Variants in CFAP54 observed in about 807,000 individuals in gnomAD.
The protein encoded by CFAP54 is cilia and flagella associated protein 54.
CFAP54 carries 290 observed loss-of-function variants against 370.4 expected under a neutral mutation model. The observed-to-expected ratio is 0.78, with a 90% CI of 0.71 to 0.86. The LOEUF (loss-of-function observed/expected upper bound fraction) is 0.86, where lower values mean the gene tolerates loss of function less well. Ranked by LOEUF, CFAP54 falls within the 40% of genes least tolerant of loss-of-function variation. The pLI is 0.00. For missense variants in CFAP54, 3,399 were observed against 3,528.7 expected (o/e 0.96, Z 0.93); for synonymous variants, 1,206 against 1,236.5 (o/e 0.98, Z 0.52).
chr12:96,744,082 A>G lies in CFAP54; in HGVS notation c.7620A>G (p.Leu2540=), dbSNP rs142940582. ...RSSNTKYANP[L]QPLKNIYLPH... is the part of the protein sequence containing the mutation. Reference sequence around the variant, plus strand: ...CAAACACTAAATATGCAAATCCATTACAGCCTTTGAAAAATATCTATCTTC... The same window carrying G: ...CAAACACTAAATATGCAAATCCATTGCAGCCTTTGAAAAATATCTATCTTC... The change falls in exon 55 of 68, where the codon TTA becomes TTG. Residue 2540 remains leucine, a synonymous_variant. Transcript: ENST00000524981. The G allele has an allele frequency of 4.4e-5, 71 of 1,610,610 alleles. No individual in the cohort carries two copies. In the African/African-American group the frequency reaches 6.9e-4, roughly 16 times the overall value.
intron 40 of CFAP54, chr12:96,682,245 G>A: frequency 1.0e-6 from 1 of 985,674 alleles, no homozygotes; most frequent in Non-Finnish European, 1.2e-6. Flanking sequence ...ACCTTTCTCA[G>A]GAGCACTTCA....
rs1247051909 is a variant in CFAP54, at chr12:96,784,905, G to A, written c.8455+15G>A. ...CAAACTGCTAGGTAGGTTTTTTGATGTGTTAAGAGAGAACATATTTCTTTC... is the reference window on the plus strand; with the variant it reads ...CAAACTGCTAGGTAGGTTTTTTGATATGTTAAGAGAGAACATATTTCTTTC... On this transcript the variant is annotated intron_variant, in intron 61 of 67. Coordinates refer to ENST00000524981, the MANE Select transcript of CFAP54 (RefSeq NM_001306084.2). The A allele has an allele frequency of 6.9e-7, 1 of 1,452,190 alleles. No homozygotes were observed. Among genetic ancestry groups the A allele is most frequent in the African/African-American group, 1.4e-5 (1 of 69,824 alleles). 90.0% of individuals were successfully genotyped at this position (1,452,190 alleles called of 1,614,324 possible).
chr12:96,809,122 C>T (rs1450627476), intron 63 of CFAP54, among the ~76,000 whole-genome samples: 1 of 152,118 alleles, frequency 6.6e-6, no homozygotes, highest in African/African-American at 2.4e-5. Flanking sequence ...CTCAGTCTTC[C>T]CTCTGTCCCG....
At position 96,540,953 on chromosome 12, in the gene CFAP54, A is replaced by G. The variant is rs748555209; in HGVS notation, c.2043A>G (p.Leu681=). Residue 681 remains leucine (L), a synonymous_variant, in exon 14 of 68, where the codon TTA becomes TTG. Transcript: ENST00000524981. ...TLRLSEILES[L]GSPGRKFKQS... is the part of the protein sequence containing the mutation. ...GGTTAAGTGAAATATTGGAATCTTT[A>G]GGAAGCCCAGGAAGAAAATTTAAAC... is the stretch of plus-strand genomic sequence containing the variant. 7.9e-6 allele frequency: 12 copies of G among 1,510,742 alleles called. No homozygotes were observed. Among genetic ancestry groups the G allele is most frequent in the Non-Finnish European group, 1.1e-5 (12 of 1,138,396 alleles). 93.6% of individuals were successfully genotyped at this position (1,510,742 alleles called of 1,614,324 possible).
chr12:96,507,772 A>T (rs1263374453), intron 4 of CFAP54, among the ~76,000 whole-genome samples: 1 of 152,220 alleles, frequency 6.6e-6, no homozygotes, highest in African/African-American at 2.4e-5. Flanking sequence ...TCCCTCATCC[A>T]TGGCAACTGA....
intron 58 of CFAP54, among the ~76,000 whole-genome samples, 169 bp downstream of exon 58, chr12:96,757,757 G>T (rs1167744971): frequency 6.6e-6 from 1 of 151,944 alleles, no homozygotes; most frequent in African/African-American, 2.4e-5. Context: ...ATATCTCTTT[G>T]GACATTTTAT....
In CFAP54 at chr12:96,630,572, A is replaced by G; in HGVS notation, c.4237A>G (p.Ile1413Val). The change falls in exon 32 of 68, where the codon ATA (isoleucine) becomes GTA (valine). Residue 1413 changes from isoleucine (I) to valine (V), a missense_variant. Transcript: ENST00000524981. The stretch of plus-strand genomic sequence containing the variant: ...TAAGAGTGCAGAAATGCAACAAAGA[A>G]TAAGAAGTAAAAAAAAGGAAACTCT... ...IGRSAEMQQR[I>V]RSKKKETLRD... 2 of 1,480,844 alleles carry G rather than the reference A, an allele frequency of 1.4e-6. No homozygotes were observed. The highest frequency in any genetic ancestry group is 2.8e-5 in the African/African-American group (2 of 70,376). The allele number at this position is 1,480,844 out of a possible 1,614,324, so 91.7% of individuals were successfully genotyped here. A position where few individuals can be genotyped will look rare whatever the true frequency, so the allele number is the denominator to read the frequency against.
At chr12:96,779,096 A>G (rs1958554994) in intron 60 of CFAP54, among the ~76,000 whole-genome samples, 1 of 143,714 alleles carries the variant, frequency 7.0e-6, no homozygotes, top group Admixed American at 7.0e-5. Flanking sequence ...AACACGAGTG[A>G]ATCTCCATCT....
chr12:96,853,280 G>A (rs1371588815), intron 66 of CFAP54, among the ~76,000 whole-genome samples: 1 of 151,956 alleles, frequency 6.6e-6, no homozygotes, highest in Non-Finnish European at 1.5e-5. Context: ...CAACAACATG[G>A]ATGAAACTCA....
intron 1 of CFAP54, among the ~76,000 whole-genome samples, chr12:96,490,980 C>CTTT (rs71307527): frequency 0.013 from 1,948 of 149,262 alleles, 23 homozygotes; most frequent in South Asian, 0.042. Context: ...GCAATTTTAT[C>CTTT]TTTTTTTTTT....
At position 96,554,293 on chromosome 12, in the gene CFAP54, G is replaced by T. The variant is rs1320067952; in HGVS notation, c.2266G>T (p.Asp756Tyr). The T allele has an allele frequency of 6.6e-7, 1 of 1,525,274 alleles. No homozygotes were observed. Among genetic ancestry groups the T allele is most frequent in the African/African-American group, 1.4e-5 (1 of 72,648 alleles). 94.5% of individuals were successfully genotyped at this position (1,525,274 alleles called of 1,614,324 possible). Residue 756 changes from aspartate (D) to tyrosine (Y), a missense_variant, in exon 16 of 68, where the codon GAC becomes TAC. Transcript: ENST00000524981. Reference protein sequence around the residue: ...TSLPNGSSVIDHCYAKRTHHI... With the variant: ...TSLPNGSSVIYHCYAKRTHHI... ...TTTGCCAAATGGATCATCAGTAATT[G>T]ACCACTGCTATGCCAAGGTAAGAAT...
chr12:96,850,063 A>G (rs1034233825), intron 66 of CFAP54, among the ~76,000 whole-genome samples: 2 of 152,058 alleles, frequency 1.3e-5, no homozygotes, highest in Non-Finnish European at 1.5e-5. Flanking sequence ...AAAATTTCCA[A>G]AAGCTGAGCT....
intron 53 of CFAP54, 66 bp from the exon 54 acceptor site, chr12:96,743,665 A>G: frequency 6.4e-7 from 1 of 1,557,776 alleles, no homozygotes; most frequent in African/African-American, 1.4e-5. Context: ...AACAATTAAC[A>G]TGTCCAGCTC....
chr12:96,798,953 A>C (rs1161624460), intron 63 of CFAP54, among the ~76,000 whole-genome samples: 1 of 152,180 alleles, frequency 6.6e-6, no homozygotes, highest in Non-Finnish European at 1.5e-5. Flanking sequence ...AATAAGAGAA[A>C]ACCTTAGTTT....
At chr12:96,837,211 CTTTA>C (rs889989586) in intron 66 of CFAP54, among the ~76,000 whole-genome samples, 3 of 152,154 alleles carry the variant, frequency 2.0e-5, no homozygotes, top group African/African-American at 4.8e-5. Flanking sequence ...AGTTAACATA[CTTTA>C]TTTAGGCATT....
chr12:96,535,047 TG>T (rs1592837277), intron 11 of CFAP54, among the ~76,000 whole-genome samples: 4 of 150,452 alleles, frequency 2.7e-5, no homozygotes, highest in East Asian at 3.9e-4. Context: ...TGTGTGTGTG[TG>T]TGTGTTTATT....
At chr12:96,625,134 ATT>A (rs1956536221) in intron 28 of CFAP54, among the ~76,000 whole-genome samples, 3 of 152,202 alleles carry the variant, frequency 2.0e-5, no homozygotes, top group African/African-American at 7.2e-5. Flanking sequence ...GCCAGTCACT[ATT>A]TTACAAAATA....
intron 65 of CFAP54, among the ~76,000 whole-genome samples, chr12:96,824,626 G>C (rs1334472026): frequency 6.6e-6 from 1 of 152,106 alleles, no homozygotes; most frequent in African/African-American, 2.4e-5. Flanking sequence ...GATCAGCAGA[G>C]GACACTGGTG....
chr12:96,632,410 T>C (rs1350006346), intron 32 of CFAP54, among the ~76,000 whole-genome samples: 1 of 152,050 alleles, frequency 6.6e-6, no homozygotes, highest in Non-Finnish European at 1.5e-5. Context: ...AGGAATTTCA[T>C]TAATTTGTTT....
Sources: gnomAD v4.1 joint callset for allele counts (sites outside exome capture counted in the v4.1 genomes callset) on GRCh38, gnomAD v4.1.1 for gene constraint, MANE v1.5 for transcripts, NCBI Gene and HGNC (gene_info 2026-07-23, HGNC 2026-07-21) for gene names.